The following M1AP variants were observed in gnomAD, a reference collection of about 807,000 sequenced individuals.
M1AP encodes the protein meiosis 1 associated protein, also known as meiosis 1 arrest protein.
M1AP carries 39 observed loss-of-function variants against 51.2 expected under a neutral mutation model. The ratio of observed to expected loss-of-function variants is 0.76; its 90% CI spans 0.59 to 1.00. The LOEUF is 1.00. Among genes scored for constraint, M1AP ranks in the 50% least tolerant of loss-of-function variants. The pLI is 0.00. For synonymous variants in M1AP, 251 were observed against 249.2 expected, an observed-to-expected ratio of 1.01 and a Z score of -0.07; for missense variants, 545 against 641.2, an observed-to-expected ratio of 0.85 and a Z score of 1.62.
intron 3 of M1AP, among the ~76,000 whole-genome samples, chr2:74,612,244 G>A (rs1317255674): frequency 1.3e-5 from 2 of 151,668 alleles, no homozygotes; most frequent in East Asian, 3.9e-4. Flanking sequence ...TAAGAGACAA[G>A]GTCTTGCTCT....
chr2:74,612,647 G>A (rs563585525), intron 3 of M1AP, among the ~76,000 whole-genome samples: 50 of 151,926 alleles, frequency 3.3e-4, no homozygotes, highest in African/African-American at 1.2e-3. Context: ...TGATGTAGGC[G>A]TTTATTGCTA....
At chr2:74,558,979 C>A in intron 10 of M1AP, 105 bp from the exon 11 acceptor site, 3 of 1,128,984 alleles carry the variant, frequency 2.7e-6, no homozygotes, top group Non-Finnish European at 3.6e-6. Context: ...AGTTCATTCC[C>A]TGGAGTGACA....
intron 2 of M1AP, among the ~76,000 whole-genome samples, chr2:74,635,031 A>G (rs1339325877): frequency 1.3e-5 from 2 of 152,192 alleles, no homozygotes; most frequent in East Asian, 3.9e-4. Context: ...CTTCTTTTAT[A>G]TTTTCTGAAA....
chr2:74,622,854 G>C (rs1342744526), intron 2 of M1AP, among the ~76,000 whole-genome samples: 1 of 151,192 alleles, frequency 6.6e-6, no homozygotes, highest in Non-Finnish European at 1.5e-5. Flanking sequence ...CGGAGTTAAA[G>C]CATTCTAAGG....
At chr2:74,562,555 TAGGG>T (rs1257664488) in intron 7 of M1AP, 132 bp from the exon 8 acceptor site, 5 of 853,320 alleles carry the variant, frequency 5.9e-6, no homozygotes, top group Non-Finnish European at 7.3e-6. Context: ...TCGGCCCTGG[TAGGG>T]AGGGACTTCC....
Position 74,569,880 on chromosome 2 carries a change from G to A in M1AP, c.1074+5558C>T, listed in dbSNP as rs180975041. On this transcript the variant is annotated intron_variant, in intron 7 of 10. Transcript: ENST00000421985. ...GACTGAGGAGGTAGAGATAATTTGT[G>A]TGTGTGTGTGTATGTGTGTGTGTGC... 4.3e-3 allele frequency among the ~76,000 whole-genome samples: 650 copies of A among 150,812 alleles called. 3 individuals carry two copies. The highest frequency in any genetic ancestry group is 8.0e-3 in the South Asian group (38 of 4,766).
intron 2 of M1AP, among the ~76,000 whole-genome samples, chr2:74,626,872 G>A (rs183772616): frequency 6.6e-5 from 10 of 152,214 alleles, no homozygotes; most frequent in Admixed American, 5.2e-4. Flanking sequence ...ATTACAATCT[G>A]TCTTTTCAAT....
intron 2 of M1AP, among the ~76,000 whole-genome samples, chr2:74,620,340 G>A (rs1681930087): frequency 6.6e-6 from 1 of 152,238 alleles, no homozygotes. Flanking sequence ...AAGGTGTTTA[G>A]AAGAAAAGAA....
chr2:74,576,748 G>A (rs1049148225), intron 5 of M1AP, 130 bp from the exon 6 acceptor site: 2 of 1,257,224 alleles, frequency 1.6e-6, no homozygotes, highest in South Asian at 2.9e-5. Context: ...AGGCAAGCAA[G>A]GGATAGGAGG....
intron 2 of M1AP, among the ~76,000 whole-genome samples, chr2:74,621,481 A>C (rs1160378362): frequency 6.6e-6 from 1 of 151,962 alleles, no homozygotes; most frequent in African/African-American, 2.4e-5. Flanking sequence ...AAGACTTTGA[A>C]GAGTAGTAAA....
chr2:74,636,311 C>A (rs1261886664), intron 2 of M1AP, among the ~76,000 whole-genome samples: 1 of 151,842 alleles, frequency 6.6e-6, no homozygotes, highest in Non-Finnish European at 1.5e-5. Context: ...CATGATATAT[C>A]CCTTTCCATT....
chr2:74,617,857 T>G (rs1330754725), intron 2 of M1AP, among the ~76,000 whole-genome samples: 1 of 152,212 alleles, frequency 6.6e-6, no homozygotes, highest in Admixed American at 6.5e-5. Flanking sequence ...GCATTTCTAG[T>G]GTTTAATACT....
chr2:74,609,166 C>T (rs1216541599), intron 3 of M1AP, among the ~76,000 whole-genome samples: 1 of 152,154 alleles, frequency 6.6e-6, no homozygotes, highest in Non-Finnish European at 1.5e-5. Flanking sequence ...ACTTATTCCT[C>T]CTAATTGTAA....
At chr2:74,565,678 A>G (rs1678329518) in intron 7 of M1AP, among the ~76,000 whole-genome samples, 1 of 151,670 alleles carries the variant, frequency 6.6e-6, no homozygotes, top group South Asian at 2.1e-4. Flanking sequence ...AAAATACAAA[A>G]ATTAGCCGGG....
At chr2:74,590,357 C>T (rs1679967974) in intron 4 of M1AP, among the ~76,000 whole-genome samples, 1 of 151,752 alleles carries the variant, frequency 6.6e-6, no homozygotes, top group Non-Finnish European at 1.5e-5. Flanking sequence ...TTCTGCCCTC[C>T]CTCATGACCT....
chr2:74,622,074 C>T (rs1331545846), intron 2 of M1AP, among the ~76,000 whole-genome samples: 3 of 151,206 alleles, frequency 2.0e-5, no homozygotes, highest in Non-Finnish European at 4.4e-5. Flanking sequence ...GAGCTGAGAT[C>T]ATGCCACTGC....
chr2:74,628,657 T>C (rs2104796056), intron 2 of M1AP: 1 of 702,942 alleles, frequency 1.4e-6, no homozygotes, highest in Non-Finnish European at 2.4e-6. Flanking sequence ...TCTTCATCAA[T>C]GTGACTCCAC....
intron 4 of M1AP, among the ~76,000 whole-genome samples, chr2:74,600,220 T>G (rs572870174): frequency 2.0e-5 from 3 of 152,320 alleles, no homozygotes; most frequent in African/African-American, 7.2e-5. Flanking sequence ...ATGCCTTAGT[T>G]TTTTCATCTA....
At chr2:74,648,211 T>C (rs1310745118) in intron 1 of M1AP, 54 bp downstream of exon 1, 2 of 957,376 alleles carry the variant, frequency 2.1e-6, no homozygotes, top group Non-Finnish European at 2.5e-6. Flanking sequence ...GCCTGCGAAG[T>C]GGTGCCGGCT....
Sources: gnomAD v4.1 joint callset for allele counts (sites outside exome capture counted in the v4.1 genomes callset) on GRCh38, gnomAD v4.1.1 for gene constraint, MANE v1.5 for transcripts, NCBI Gene and HGNC (gene_info 2026-07-23, HGNC 2026-07-21) for gene names.